DNAJB1: variants seen among roughly 807,000 people sequenced by gnomAD.
DNAJB1 encodes the protein DnaJ heat shock protein family (Hsp40) member B1.
In DNAJB1, 14 loss-of-function variants were observed where a neutral mutation model predicts 24.0. The ratio of observed to expected loss-of-function variants is 0.58; its 90% CI spans 0.39 to 0.91. DNAJB1 has a LOEUF of 0.91. Ranked by LOEUF, DNAJB1 falls within the 40% of genes least tolerant of loss-of-function variation. The pLI is 0.00. For missense variants in DNAJB1, 517 were observed against 458.1 expected (o/e 1.13, Z -1.17); for synonymous variants, 262 against 174.4 (o/e 1.50, Z -3.96).
chr19:14,520,466 A>G (rs752193905), upstream of DNAJB1, among the ~76,000 whole-genome samples: 1 of 152,058 alleles, frequency 6.6e-6, no homozygotes, highest in Non-Finnish European at 1.5e-5. Flanking sequence ...ATAAATAACT[A>G]TCAGGAGCAT....
At chr19:14,536,044 GT>G (rs2072886053) in intron 1 of DNAJB1, among the ~76,000 whole-genome samples, 1 of 152,034 alleles carries the variant, frequency 6.6e-6, no homozygotes, top group Non-Finnish European at 1.5e-5. Flanking sequence ...AATTTTTCTG[GT>G]TTAACTTCTG....
upstream of DNAJB1, chr19:14,532,513 A>G (rs2072710710): frequency 3.1e-5 from 2 of 63,802 alleles, no homozygotes; most frequent in African/African-American, 8.2e-5. Context: ...AGTCTGTCTC[A>G]AAAAAAAAAA....
At chr19:14,521,976 TAAACAAAC>T (rs904925061), upstream of DNAJB1, among the ~76,000 whole-genome samples, 1 of 152,010 alleles carries the variant, frequency 6.6e-6, no homozygotes, top group Non-Finnish European at 1.5e-5. Context: ...GCCAGGAAAT[TAAACAAAC>T]AAACAAACCC....
At chr19:14,557,830 A>G (rs2081980) in intron 1 of DNAJB1, among the ~76,000 whole-genome samples, 59,806 of 151,248 alleles carry the variant, frequency 0.4, 12,117 homozygotes, top group Non-Finnish European at 0.43. Flanking sequence ...ATCTCGGTTC[A>G]CTGCAAGCTC....
chr19:14,554,598 C>T (rs78656540), upstream of DNAJB1, among the ~76,000 whole-genome samples: 3,614 of 152,250 alleles, frequency 0.024, 56 homozygotes, highest in African/African-American at 0.03. Flanking sequence ...GTGTGCCAGG[C>T]CTTCAGGCTG....
At position 14,549,361 on chromosome 19, in the gene DNAJB1, C is replaced by T. The variant is rs182990544; in HGVS notation, c.-214+847G>A. Among the ~76,000 whole-genome samples, 168 of 151,984 alleles carry T rather than the reference C, an allele frequency of 1.1e-3. 1 individual carries two copies. Among genetic ancestry groups the T allele is most frequent in the Admixed American group, 2.2e-3 (34 of 15,258 alleles). Reference sequence around the variant, plus strand: ...CCAAGGAGCTGGGACTACAGGCATGCGCCACCATGCCCAGCTAACTTTTGT... The same window carrying T: ...CCAAGGAGCTGGGACTACAGGCATGTGCCACCATGCCCAGCTAACTTTTGT... On this transcript the variant is annotated intron_variant, in intron 1 of 3. Coordinates refer to the DNAJB1 transcript ENST00000676982.
chr19:14,545,321 C>T (rs538017243), intron 1 of DNAJB1: 10 of 402,600 alleles, frequency 2.5e-5, no homozygotes, highest in African/African-American at 2.1e-4. Flanking sequence ...CATTCCCCGC[C>T]AGGGAGCCTC....
upstream of DNAJB1, among the ~76,000 whole-genome samples, chr19:14,554,455 G>A (rs1163511753): frequency 1.3e-5 from 2 of 151,966 alleles, no homozygotes; most frequent in Non-Finnish European, 2.9e-5. Flanking sequence ...GGGTCCTGTG[G>A]TGTGGACTCT....
upstream of DNAJB1, among the ~76,000 whole-genome samples, chr19:14,522,623 C>T (rs1289396598): frequency 1.3e-5 from 2 of 151,584 alleles, no homozygotes; most frequent in Non-Finnish European, 2.9e-5. Context: ...CCAGCCCCCA[C>T]AAGCATGTAA....
intron 1 of DNAJB1, among the ~76,000 whole-genome samples, chr19:14,558,786 G>A (rs1599486750): frequency 6.6e-6 from 1 of 152,034 alleles, no homozygotes; most frequent in Non-Finnish European, 1.5e-5. Context: ...GAGTGGCTCC[G>A]TGGGCTTCCT....
intron 1 of DNAJB1, among the ~76,000 whole-genome samples, chr19:14,548,131 T>C (rs1599453977): frequency 6.6e-6 from 1 of 151,624 alleles, no homozygotes; most frequent in East Asian, 1.9e-4. Flanking sequence ...CCCAGCTAAT[T>C]TTTTGTATTT....
intron 1 of DNAJB1, among the ~76,000 whole-genome samples, chr19:14,542,152 A>C (rs1276493809): frequency 6.6e-6 from 1 of 151,672 alleles, no homozygotes; most frequent in Non-Finnish European, 1.5e-5. Flanking sequence ...TTTAGTAGAG[A>C]TGGGGTCTTG....
chr19:14,534,984 C>T (rs975329717), intron 1 of DNAJB1, among the ~76,000 whole-genome samples: 1 of 152,086 alleles, frequency 6.6e-6, no homozygotes, highest in Non-Finnish European at 1.5e-5. Context: ...GAAGGGAGGG[C>T]GAGGTGCTGC....
intron 1 of DNAJB1, among the ~76,000 whole-genome samples, chr19:14,538,546 T>C (rs2072985868): frequency 1.3e-5 from 2 of 151,604 alleles, no homozygotes; most frequent in South Asian, 4.2e-4. Context: ...CTTTTTTTTT[T>C]TTTTTGAGAT....
chr19:14,544,665 A>C (rs1217151285), intron 1 of DNAJB1, among the ~76,000 whole-genome samples: 4 of 139,342 alleles, frequency 2.9e-5, no homozygotes, highest in African/African-American at 8.1e-5. Flanking sequence ...ACAGGGTCTC[A>C]CTCTGTCGCC....
chr19:14,533,411 ACT>A (rs2072747750), upstream of DNAJB1, among the ~76,000 whole-genome samples: 2 of 151,328 alleles, frequency 1.3e-5, no homozygotes, highest in East Asian at 1.9e-4. Flanking sequence ...CAAGAACGAG[ACT>A]CTGTCTCAAA....
intron 1 of DNAJB1, among the ~76,000 whole-genome samples, chr19:14,547,342 C>A (rs898272045): frequency 6.9e-6 from 1 of 145,000 alleles, no homozygotes; most frequent in African/African-American, 2.5e-5. Context: ...CCGTACCTGG[C>A]CTATTTTATT....
Position 14,516,524 on chromosome 19 carries a change from T to C in DNAJB1, c.734A>G (p.Asn245Ser), listed in dbSNP as rs150659482. ...IVFVLKDKPH[N>S]IFKRDGSDVI... ...ATCAGAGCCATCTCTCTTAAAGATATTGTGGGGCTTGTCCTTTAAAACAAA... is the reference window on the plus strand; with the variant it reads ...ATCAGAGCCATCTCTCTTAAAGATACTGTGGGGCTTGTCCTTTAAAACAAA... The change falls in exon 2 of 3, where the codon AAT (asparagine) becomes AGT (serine). Residue 245 changes from asparagine (N) to serine (S), a missense_variant. Asn to Ser is a conservative substitution (Grantham distance 46). Transcript: ENST00000254322. 128 of 1,614,196 alleles carry C rather than the reference T, an allele frequency of 7.9e-5. No homozygotes were observed. The highest frequency in any genetic ancestry group is 1.0e-4 in the Non-Finnish European group (120 of 1,180,042).
At position 14,516,517 on chromosome 19, in the gene DNAJB1, A is replaced by G. The variant is rs759647944; in HGVS notation, c.741T>C (p.Phe247=). ...FVLKDKPHNI[F]KRDGSDVIYP... ...AAATGACATCAGAGCCATCTCTCTT[A>G]AAGATATTGTGGGGCTTGTCCTTTA... Residue 247 remains phenylalanine, a synonymous_variant, in exon 2 of 3, where the codon TTT becomes TTC. Transcript: ENST00000254322. 271 of 1,614,082 alleles carry G rather than the reference A, an allele frequency of 1.7e-4. No individual in the cohort carries two copies. Among genetic ancestry groups the G allele is most frequent in the Non-Finnish European group, 2.2e-4 (258 of 1,180,044 alleles).
Sources: allele counts gnomAD v4.1 joint callset (sites outside exome capture counted in the v4.1 genomes callset), GRCh38; gene constraint gnomAD v4.1.1; transcripts MANE v1.5; gene names NCBI Gene and HGNC (gene_info 2026-07-23, HGNC 2026-07-21).